The following CADPS2 variants were observed in gnomAD, a reference collection of about 807,000 sequenced individuals.
CADPS2 encodes the protein calcium dependent secretion activator 2.
In CADPS2, 93 loss-of-function variants were observed where a neutral mutation model predicts 172.5. The ratio of observed to expected loss-of-function variants is 0.54; its 90% CI spans 0.46 to 0.64. The LOEUF (loss-of-function observed/expected upper bound fraction) is 0.64. Among genes scored for constraint, CADPS2 ranks in the 30% least tolerant of loss-of-function variants. The pLI is 0.00. For missense variants in CADPS2, 1,420 were observed against 1,565.9 expected (o/e 0.91, Z 1.57); for synonymous variants, 546 against 555.2 (o/e 0.98, Z 0.23).
rs543917479 is a variant in CADPS2 at position 122,796,372 on chromosome 7, T to C, written c.340-59304A>G. Among the ~76,000 whole-genome samples the C allele has an allele frequency of 3.3e-5, 5 of 152,338 alleles. No homozygotes were observed. The South Asian group carries it at 8.3e-4, about 25-fold the overall frequency. On this transcript the variant is annotated intron_variant, in intron 1 of 29. Transcript: ENST00000449022. ...GAAAAAAACTATTTTAAAATTCATA[T>C]GGAACTAAAATTCATATGGAGCCCA... is the stretch of plus-strand genomic sequence containing the variant.
chr7:122,349,879 A>C (rs2038272976), intron 27 of CADPS2, among the ~76,000 whole-genome samples: 2 of 152,152 alleles, frequency 1.3e-5, no homozygotes, highest in African/African-American at 4.8e-5. Context: ...CACTGCAGTC[A>C]TTTTTCACGG....
intron 1 of CADPS2, among the ~76,000 whole-genome samples, chr7:122,772,365 A>C (rs2093731340): frequency 6.6e-6 from 1 of 152,236 alleles, no homozygotes; most frequent in South Asian, 2.1e-4. Context: ...ATGTTAATAC[A>C]TGCCAAATAA....
At chr7:122,370,354 G>A (rs1365747569) in intron 25 of CADPS2, among the ~76,000 whole-genome samples, 1 of 152,118 alleles carries the variant, frequency 6.6e-6, no homozygotes, top group African/African-American at 2.4e-5. Flanking sequence ...ACTCTACATT[G>A]CCTCATGGCT....
intron 8 of CADPS2, among the ~76,000 whole-genome samples, chr7:122,546,910 A>G (rs2063679825): frequency 6.6e-6 from 1 of 152,118 alleles, no homozygotes; most frequent in Non-Finnish European, 1.5e-5. Context: ...TTTTGAGCCT[A>G]TCTAAATGTG....
intron 1 of CADPS2, among the ~76,000 whole-genome samples, chr7:122,795,845 G>A (rs551787814): frequency 1.3e-5 from 2 of 152,232 alleles, no homozygotes; most frequent in South Asian, 2.1e-4. Flanking sequence ...ACACAGTATG[G>A]GAAGTCCTGG....
At chr7:122,445,752 C>T (rs1319404862) in intron 15 of CADPS2, among the ~76,000 whole-genome samples, 2 of 152,084 alleles carry the variant, frequency 1.3e-5, no homozygotes, top group African/African-American at 4.8e-5. Context: ...GAAGTTGAGG[C>T]TGCAGTGAGC....
intron 17 of CADPS2, among the ~76,000 whole-genome samples, chr7:122,417,000 C>T (rs1002728189): frequency 3.9e-5 from 6 of 152,174 alleles, no homozygotes; most frequent in Admixed American, 2.0e-4. Flanking sequence ...GATTCATAGG[C>T]TCTTTCTCTT....
At chr7:122,667,279 C>T (rs2430032) in intron 2 of CADPS2, among the ~76,000 whole-genome samples, 80,590 of 151,916 alleles carry the variant, frequency 0.53, 21,801 homozygotes, top group South Asian at 0.78. Context: ...GGAGGGACAT[C>T]AGAAAACCCT....
chr7:122,875,108 TGTGA>T (rs1254582790), intron 1 of CADPS2, among the ~76,000 whole-genome samples: 6 of 152,132 alleles, frequency 3.9e-5, no homozygotes, highest in Admixed American at 2.0e-4. Context: ...AATCCAGAAA[TGTGA>T]GTGTGTATAC....
intron 9 of CADPS2, among the ~76,000 whole-genome samples, chr7:122,503,096 A>G (rs1362974052): frequency 6.9e-6 from 1 of 144,704 alleles, no homozygotes; most frequent in Admixed American, 7.3e-5. Flanking sequence ...CAGTGGCACT[A>G]TCTCGGCTCA....
chr7:122,749,953 T>C (rs748869151), intron 1 of CADPS2, among the ~76,000 whole-genome samples: 87 of 146,110 alleles, frequency 6.0e-4, no homozygotes, highest in Non-Finnish European at 1.2e-3. Flanking sequence ...TTTGTTCACC[T>C]GTGAGGTTAA....
chr7:122,570,121 G>C (rs865845210), intron 7 of CADPS2, among the ~76,000 whole-genome samples: 1 of 148,612 alleles, frequency 6.7e-6, no homozygotes, highest in Non-Finnish European at 1.5e-5. Flanking sequence ...GAAAATTTTC[G>C]CAACCTACTC....
In CADPS2 at chr7:122,783,110, G is replaced by C. The variant is rs184164234; in HGVS notation, c.340-46042C>G. ...GGGCGCCTGTGGTCCCAGCTACTCG[G>C]GAGGCTGAGGCAGGAGAATGGCGTG... On this transcript the variant is annotated intron_variant, in intron 1 of 29. Transcript: ENST00000449022. Among the ~76,000 whole-genome samples the C allele has an allele frequency of 1.2e-3, 177 of 151,662 alleles. 1 individual carries two copies. The highest frequency in any genetic ancestry group is 3.0e-3 in the Admixed American group (46 of 15,272).
At chr7:122,658,659 C>A (rs1162579597) in intron 3 of CADPS2, among the ~76,000 whole-genome samples, 1 of 152,176 alleles carries the variant, frequency 6.6e-6, no homozygotes, top group Non-Finnish European at 1.5e-5. Context: ...ACCACATGTT[C>A]TCACTCATAG....
chr7:122,410,076 G>C (rs1196679976), intron 19 of CADPS2, among the ~76,000 whole-genome samples: 2 of 152,140 alleles, frequency 1.3e-5, no homozygotes, highest in African/African-American at 4.8e-5. Flanking sequence ...GGGTGCGGTG[G>C]CTCACAAGTG....
intron 15 of CADPS2, among the ~76,000 whole-genome samples, chr7:122,451,036 T>G (rs538593488): frequency 2.0e-4 from 31 of 152,138 alleles, no homozygotes; most frequent in Non-Finnish European, 3.2e-4. Flanking sequence ...GAGGTGAGAC[T>G]TGAGGGCTCC....
chr7:122,599,411 A>G (rs2072407306), intron 6 of CADPS2, among the ~76,000 whole-genome samples: 2 of 152,114 alleles, frequency 1.3e-5, no homozygotes, highest in Admixed American at 1.3e-4. Context: ...AGAAGGCAGA[A>G]TCAACAGAAT....
At chr7:122,355,233 C>A (rs932766105) in intron 27 of CADPS2, among the ~76,000 whole-genome samples, 1 of 152,102 alleles carries the variant, frequency 6.6e-6, no homozygotes, top group African/African-American at 2.4e-5. Flanking sequence ...CATAGGAATG[C>A]CACTTAACTT....
At chr7:122,737,135 A>T in intron 1 of CADPS2, 67 bp from the exon 2 acceptor site, 1 of 795,516 alleles carries the variant, frequency 1.3e-6, no homozygotes, top group Non-Finnish European at 2.2e-6. Context: ...ACTATTAAAA[A>T]TCATATTTGC....
Sources: gnomAD v4.1 joint callset for allele counts (sites outside exome capture counted in the v4.1 genomes callset) on GRCh38, gnomAD v4.1.1 for gene constraint, MANE v1.5 for transcripts, NCBI Gene and HGNC (gene_info 2026-07-23, HGNC 2026-07-21) for gene names.